ANKRD9: variants seen among roughly 807,000 people sequenced by gnomAD.
ANKRD9 encodes ankyrin repeat domain 9.
ANKRD9 carries 13 observed loss-of-function variants against 19.2 expected under a neutral mutation model. The ratio of observed to expected loss-of-function variants is 0.68; its 90% CI spans 0.44 to 1.08. The LOEUF is 1.08. Among genes scored for constraint, ANKRD9 ranks in the 50% least tolerant of loss-of-function variants. The pLI is 0.00. For synonymous variants in ANKRD9, 278 were observed against 256.8 expected (o/e 1.08, Z -0.79); for missense variants, 518 against 499.9 (o/e 1.04, Z -0.34).
chr14:102,507,492 A>C lies in ANKRD9; in HGVS notation c.398T>G (p.Leu133Arg). The C allele has an allele frequency of 7.2e-7, 1 of 1,388,466 alleles. No individual in the cohort carries two copies. The highest frequency in any genetic ancestry group is 9.4e-7 in the Non-Finnish European group (1 of 1,069,278). The allele number at this position is 1,388,466 out of a possible 1,614,324, so 86.0% of individuals were successfully genotyped here. ...YNRVGILRRI[L>R]RTLRDFPAEE... Reference sequence around the variant, plus strand: ...GGCCGGGAAGTCGCGCAAGGTGCGCAGGATGCGGCGCAGAATGCCCACGCG... The same window carrying C: ...GGCCGGGAAGTCGCGCAAGGTGCGCCGGATGCGGCGCAGAATGCCCACGCG... The change falls in exon 4 of 4, where the codon CTG (leucine) becomes CGG (arginine). Residue 133 changes from leucine (L) to arginine (R), a missense_variant. Coordinates refer to ENST00000286918, the MANE Select transcript of ANKRD9 (RefSeq NM_152326.4). This position sits in a 1 kb window ranked among gnomAD's most constrained non-coding sequence, Gnocchi z 9.2.
rs558046211 is a variant in ANKRD9, at chr14:102,506,687, C to G, written c.*249G>C. 11 of 433,254 alleles carry G rather than the reference C, an allele frequency of 2.5e-5. No individual in the cohort carries two copies. Among genetic ancestry groups the G allele is most frequent in the Non-Finnish European group, 3.1e-5 (8 of 261,036 alleles). The allele number at this position is 433,254 out of a possible 1,614,324, so 26.8% of individuals were successfully genotyped here. A position where few individuals can be genotyped will look rare whatever the true frequency, so the allele number is the denominator to read the frequency against. Reference sequence around the variant, plus strand: ...ATCTGGGACGCACACCTGTCCGAGGCTCTAGATCAAGGTGGGAGGTTAGTC... The same window carrying G: ...ATCTGGGACGCACACCTGTCCGAGGGTCTAGATCAAGGTGGGAGGTTAGTC... On this transcript the variant is annotated 3_prime_UTR_variant, in exon 4 of 4. Transcript: ENST00000286918.
Position 102,507,650 on chromosome 14 carries a change from G to T in ANKRD9, c.240C>A (p.Leu80=). 1 of 1,543,530 alleles carries T rather than the reference G, an allele frequency of 6.5e-7. No individual in the cohort carries two copies. The highest frequency in any genetic ancestry group is 8.7e-7 in the Non-Finnish European group (1 of 1,149,744). The part of the protein sequence containing the change: ...YSPSEALLYA[L]VHDHQAYAHY... ...GCGCGTACGCTTGGTGGTCGTGCAC[G>T]AGCGCGTAGAGCAGCGCCTCAGAGG... The change falls in exon 4 of 4, where the codon CTC becomes CTA. Residue 80 remains leucine (L), a synonymous_variant. Transcript: ENST00000286918. This position sits in a 1 kb window ranked among gnomAD's most constrained non-coding sequence, Gnocchi z 9.2.
In ANKRD9 at chr14:102,505,204, C is replaced by G. The variant is rs1434872241; in HGVS notation, c.*1732G>C. On this transcript the variant is annotated 3_prime_UTR_variant, in exon 4 of 4. Coordinates refer to ENST00000286918, the MANE Select transcript of ANKRD9 (RefSeq NM_152326.4). Reference sequence around the variant, plus strand: ...CCCCATGGGCTCCCCGGGCCCAGCCCCTAAGAACCACGGCAGCTGCGCCAG... The same window carrying G: ...CCCCATGGGCTCCCCGGGCCCAGCCGCTAAGAACCACGGCAGCTGCGCCAG... The G allele has an allele frequency of 7.2e-5, 11 of 152,386 alleles. No homozygotes were observed. Among genetic ancestry groups the G allele is most frequent in the Admixed American group, 7.2e-4 (11 of 15,252 alleles). The allele number at this position is 152,386 out of a possible 1,614,324, so 9.4% of individuals were successfully genotyped here.
At position 102,507,761 on chromosome 14, in the gene ANKRD9, G is replaced by A; in HGVS notation, c.129C>T (p.Asp43=). Residue 43 remains aspartate (D), a synonymous_variant, in exon 4 of 4, where the codon GAC becomes GAT. Coordinates refer to ENST00000286918, the MANE Select transcript of ANKRD9 (RefSeq NM_152326.4). The surrounding 1 kb of genome is among the most constrained non-coding windows in gnomAD (Gnocchi z 9.2). ...CCTCCAGCAGCCACACGGGTAGCAGGTCGCGCACCGCCTGGTAGAAGGCGA... is the reference window on the plus strand; with the variant it reads ...CCTCCAGCAGCCACACGGGTAGCAGATCGCGCACCGCCTGGTAGAAGGCGA... The part of the protein sequence containing the change: ...SSFAFYQAVR[D]LLPVWLLEDM... 1.3e-6 allele frequency: 2 copies of A among 1,504,302 alleles called. No homozygotes were observed. The highest frequency in any genetic ancestry group is 2.6e-5 in the East Asian group (1 of 38,468). 93.2% of individuals were successfully genotyped at this position (1,504,302 alleles called of 1,614,324 possible).
At position 102,506,578 on chromosome 14, in the gene ANKRD9, CT is replaced by C; in HGVS notation, c.*357del. On this transcript the variant is annotated 3_prime_UTR_variant, in exon 4 of 4. Coordinates refer to ENST00000286918, the MANE Select transcript of ANKRD9 (RefSeq NM_152326.4). ...GAGCTCGTTCTCTTGGCTTCCAGGC[CT>C]TTTTATACGCTGTCCTGCTGCTTGG... 4.6e-6 allele frequency: 1 copy of C among 218,914 alleles called. No homozygotes were observed. Among genetic ancestry groups the C allele is most frequent in the Non-Finnish European group, 8.9e-6 (1 of 112,112 alleles). 13.6% of individuals were successfully genotyped at this position (218,914 alleles called of 1,614,324 possible). A position where few individuals can be genotyped will look rare whatever the true frequency, so the allele number is the denominator to read the frequency against.
chr14:102,505,756 C>T lies in ANKRD9; in HGVS notation c.*1180G>A, dbSNP rs1440493369. On this transcript the variant is annotated 3_prime_UTR_variant, in exon 4 of 4. Transcript: ENST00000286918. ...CTTGTGTGGCCCAGCACCCTGGACT[C>T]CTCCATGCCCAGGTGTGCTCCCCCC... is the stretch of plus-strand genomic sequence containing the variant. 1 of 152,302 alleles carries T rather than the reference C, an allele frequency of 6.6e-6. No homozygotes were observed. Among genetic ancestry groups the T allele is most frequent in the East Asian group, 1.9e-4 (1 of 5,194 alleles). The allele number at this position is 152,302 out of a possible 1,614,324, so 9.4% of individuals were successfully genotyped here.
In ANKRD9 at chr14:102,507,935, A is replaced by G; in HGVS notation, c.-46T>C. 1 of 1,096,736 alleles carries G rather than the reference A, an allele frequency of 9.1e-7. No homozygotes were observed. The highest frequency in any genetic ancestry group is 1.1e-6 in the Non-Finnish European group (1 of 891,736). The allele number at this position is 1,096,736 out of a possible 1,614,324, so 67.9% of individuals were successfully genotyped here. A position where few individuals can be genotyped will look rare whatever the true frequency, so the allele number is the denominator to read the frequency against. On this transcript the variant is annotated 5_prime_UTR_variant, in exon 4 of 4. Coordinates refer to ENST00000286918, the MANE Select transcript of ANKRD9 (RefSeq NM_152326.4). The surrounding 1 kb of genome is among the most constrained non-coding windows in gnomAD (Gnocchi z 9.2). ...GGGCCTCAAGGCATGGATCCCGCGA[A>G]GGCACACCTGCGGGGAAAGGAAGAG...
At position 102,502,552 on chromosome 14, in the gene ANKRD9, C is replaced by A. The variant is rs1046820645; in HGVS notation, c.*4384G>T. ...ATCACAAAGTAGACACCAATGACTT[C>A]TTAAAAATCATATTTACAAAGTACA... is the stretch of plus-strand genomic sequence containing the variant. On this transcript the variant is annotated 3_prime_UTR_variant, in exon 4 of 4. Transcript: ENST00000286918. 6.6e-6 allele frequency: 1 copy of A among 152,452 alleles called. No homozygotes were observed. Among genetic ancestry groups the A allele is most frequent in the Non-Finnish European group, 1.5e-5 (1 of 68,018 alleles). The allele number at this position is 152,452 out of a possible 1,614,324, so 9.4% of individuals were successfully genotyped here.
chr14:102,507,334 CG>C lies in ANKRD9; in HGVS notation c.555del (p.Gly186ValfsTer138). On this transcript the variant is annotated frameshift_variant, in exon 4 of 4. Transcript: ENST00000286918. LOFTEE classifies it high-confidence loss of function. This position sits in a 1 kb window ranked among gnomAD's most constrained non-coding sequence, Gnocchi z 9.2. ...GTGAGGCCGCCGCCGTCCCGCAGAC[CG>C]GGCGAGGCGCCGTGGCCCAGCAGCA... The part of the protein sequence containing the change: ...LFLLLGHGAS[P>X]GLRDGGGLTP... 1 of 1,303,230 alleles carries C rather than the reference CG, an allele frequency of 7.7e-7. No homozygotes were observed. Among genetic ancestry groups the C allele is most frequent in the South Asian group, 1.6e-5 (1 of 62,908 alleles). 80.7% of individuals were successfully genotyped at this position (1,303,230 alleles called of 1,614,324 possible).
rs1190192160 is a variant in ANKRD9 at position 102,507,304 on chromosome 14, G to A, written c.586C>T (p.Leu196Phe). Residue 196 changes from leucine (L) to phenylalanine (F), a missense_variant, in exon 4 of 4, where the codon CTC becomes TTC. Coordinates refer to ENST00000286918, the MANE Select transcript of ANKRD9 (RefSeq NM_152326.4). This position sits in a 1 kb window ranked among gnomAD's most constrained non-coding sequence, Gnocchi z 9.2. The part of the protein sequence containing the change: ...GLRDGGGLTP[L>F]ELLLRQLGRD... ...CCCAGCTGGCGCAGCAGCAGCTCGA[G>A]AGGCGTGAGGCCGCCGCCGTCCCGC... 1 of 1,250,782 alleles carries A rather than the reference G, an allele frequency of 8.0e-7. No homozygotes were observed. The highest frequency in any genetic ancestry group is 1.9e-5 in the South Asian group (1 of 51,892). The allele number at this position is 1,250,782 out of a possible 1,614,324, so 77.5% of individuals were successfully genotyped here.
In ANKRD9 at chr14:102,506,776, T is replaced by G. The variant is rs993618307; in HGVS notation, c.*160A>C. ...CGAGCCCAGCTGCACCCAGAAAACC[T>G]GCCACTTGGAACTCACCTGACCATC... On this transcript the variant is annotated 3_prime_UTR_variant, in exon 4 of 4. Transcript: ENST00000286918. The G allele has an allele frequency of 2.7e-6, 3 of 1,094,812 alleles. No individual in the cohort carries two copies. In the African/African-American group the frequency reaches 4.9e-5, roughly 18 times the overall value. The allele number at this position is 1,094,812 out of a possible 1,614,324, so 67.8% of individuals were successfully genotyped here.
In ANKRD9 at chr14:102,508,073, G is replaced by T; in HGVS notation, c.-53-131C>A. On this transcript the variant is annotated intron_variant, in intron 3 of 3. Transcript: ENST00000286918. The surrounding 1 kb of genome is among the most constrained non-coding windows in gnomAD (Gnocchi z 6.2). ...TGTACCTACCTCCAGCCTCGGCCAG[G>T]CCCTTCCAGTCACCCTACAGCTCCA... 2.0e-6 allele frequency: 1 copy of T among 505,680 alleles called. No homozygotes were observed. The highest frequency in any genetic ancestry group is 2.7e-6 in the Non-Finnish European group (1 of 376,196). 31.3% of individuals were successfully genotyped at this position (505,680 alleles called of 1,614,324 possible).
chr14:102,507,530 T>G lies in ANKRD9; in HGVS notation c.360A>C (p.Ala120=). Residue 120 remains alanine (A), a synonymous_variant, in exon 4 of 4, where the codon GCA becomes GCC. Transcript: ENST00000286918. The surrounding 1 kb of genome is among the most constrained non-coding windows in gnomAD (Gnocchi z 9.2). ...CAAPGPHVAL[A]VRYNRVGILR... is the part of the protein sequence containing the mutation. ...GAATGCCCACGCGGTTGTAGCGCAC[T>G]GCCAGCGCCACGTGCGGCCCGGGAG... 7.4e-7 allele frequency: 1 copy of G among 1,344,164 alleles called. No homozygotes were observed. The highest frequency in any genetic ancestry group is 9.5e-7 in the Non-Finnish European group (1 of 1,047,560). The allele number at this position is 1,344,164 out of a possible 1,614,324, so 83.3% of individuals were successfully genotyped here. A position where few individuals can be genotyped will look rare whatever the true frequency, so the allele number is the denominator to read the frequency against.
In ANKRD9 at chr14:102,507,488, G is replaced by A; in HGVS notation, c.402C>T (p.Arg134=). ...NRVGILRRIL[R]TLRDFPAEER... is the part of the protein sequence containing the mutation. ...CCTCGGCCGGGAAGTCGCGCAAGGTGCGCAGGATGCGGCGCAGAATGCCCA... is the reference window on the plus strand; with the variant it reads ...CCTCGGCCGGGAAGTCGCGCAAGGTACGCAGGATGCGGCGCAGAATGCCCA... The change falls in exon 4 of 4, where the codon CGC becomes CGT. Residue 134 remains arginine (R), a synonymous_variant. Transcript: ENST00000286918. The surrounding 1 kb of genome is among the most constrained non-coding windows in gnomAD (Gnocchi z 9.2). The A allele has an allele frequency of 1.4e-6, 2 of 1,390,928 alleles. No individual in the cohort carries two copies. Among genetic ancestry groups the A allele is most frequent in the Non-Finnish European group, 1.9e-6 (2 of 1,070,166 alleles). 86.2% of individuals were successfully genotyped at this position (1,390,928 alleles called of 1,614,324 possible).
At position 102,505,973 on chromosome 14, in the gene ANKRD9, T is replaced by C. The variant is rs1891578312; in HGVS notation, c.*963A>G. On this transcript the variant is annotated 3_prime_UTR_variant, in exon 4 of 4. Coordinates refer to ENST00000286918, the MANE Select transcript of ANKRD9 (RefSeq NM_152326.4). ...TGGCTATCCTCCCTGGTGTCTCGGC[T>C]CTGAGAGCGGAGACCCAGCCTCCCA... is the stretch of plus-strand genomic sequence containing the variant. 1 of 152,104 alleles carries C rather than the reference T, an allele frequency of 6.6e-6. No homozygotes were observed. Among genetic ancestry groups the C allele is most frequent in the Non-Finnish European group, 1.5e-5 (1 of 67,986 alleles). The allele number at this position is 152,104 out of a possible 1,614,324, so 9.4% of individuals were successfully genotyped here.
Position 102,507,799 on chromosome 14 carries a change from G to A in ANKRD9, c.91C>T (p.Arg31Cys), listed in dbSNP as rs1216327564. 8.9e-6 allele frequency: 13 copies of A among 1,467,624 alleles called. No homozygotes were observed. Among genetic ancestry groups the A allele is most frequent in the Non-Finnish European group, 1.2e-5 (13 of 1,106,062 alleles). 90.9% of individuals were successfully genotyped at this position (1,467,624 alleles called of 1,614,324 possible). The change falls in exon 4 of 4, where the codon CGC (arginine) becomes TGC (cysteine). Residue 31 changes from arginine (R) to cysteine (C), a missense_variant. Physicochemically the swap from Arg to Cys is radical, Grantham distance 180 (BLOSUM62 -3). Coordinates refer to ENST00000286918, the MANE Select transcript of ANKRD9 (RefSeq NM_152326.4). The surrounding 1 kb of genome is among the most constrained non-coding windows in gnomAD (Gnocchi z 9.2). ...AARSRAQKQC[R>C]KSSFAFYQAV... is the part of the protein sequence containing the mutation. Reference sequence around the variant, plus strand: ...TGGTAGAAGGCGAACGACGACTTGCGGCACTGCTTCTGCGCTCGCGAGCGC... The same window carrying A: ...TGGTAGAAGGCGAACGACGACTTGCAGCACTGCTTCTGCGCTCGCGAGCGC...
Position 102,507,741 on chromosome 14 carries a change from A to G in ANKRD9, c.149T>C (p.Leu50Pro). The change falls in exon 4 of 4, where the codon CTG becomes CCG. Residue 50 changes from leucine (L) to proline (P), a missense_variant. Physicochemically the swap from Leu to Pro is moderately conservative, Grantham distance 98 (BLOSUM62 -3). Coordinates refer to ENST00000286918, the MANE Select transcript of ANKRD9 (RefSeq NM_152326.4). This position sits in a 1 kb window ranked among gnomAD's most constrained non-coding sequence, Gnocchi z 9.2. The part of the protein sequence containing the change: ...AVRDLLPVWL[L>P]EDMRASEAFH... ...GGCCTCGCTGGCGCGCATATCCTCC[A>G]GCAGCCACACGGGTAGCAGGTCGCG... 6.7e-7 allele frequency: 1 copy of G among 1,498,864 alleles called. No individual in the cohort carries two copies. The highest frequency in any genetic ancestry group is 8.9e-7 in the Non-Finnish European group (1 of 1,124,766). 92.8% of individuals were successfully genotyped at this position (1,498,864 alleles called of 1,614,324 possible). A position where few individuals can be genotyped will look rare whatever the true frequency, so the allele number is the denominator to read the frequency against.
chr14:102,503,765 T>C lies in ANKRD9; in HGVS notation c.*3171A>G, dbSNP rs1891509240. The C allele has an allele frequency of 6.6e-6, 1 of 152,172 alleles. No homozygotes were observed. Among genetic ancestry groups the C allele is most frequent in the Non-Finnish European group, 1.5e-5 (1 of 68,030 alleles). 9.4% of individuals were successfully genotyped at this position (152,172 alleles called of 1,614,324 possible). A position where few individuals can be genotyped will look rare whatever the true frequency, so the allele number is the denominator to read the frequency against. On this transcript the variant is annotated 3_prime_UTR_variant, in exon 4 of 4. Coordinates refer to ENST00000286918, the MANE Select transcript of ANKRD9 (RefSeq NM_152326.4). The stretch of plus-strand genomic sequence containing the variant: ...TCCTCCGGCAGTTACTCACTTCCCT[T>C]GAAACAGAAGCTCAAACATGGAGTA...
At position 102,501,901 on chromosome 14, in the gene ANKRD9, T is replaced by C. The variant is rs761046913; in HGVS notation, c.*5035A>G. On this transcript the variant is annotated 3_prime_UTR_variant, in exon 4 of 4. Coordinates refer to ENST00000286918, the MANE Select transcript of ANKRD9 (RefSeq NM_152326.4). ...AAGCAGAGGTGAGATGGGAGCAGCT[T>C]GGGAGCCCCCCATTGGCGCCGCCCT... The C allele has an allele frequency of 1.3e-5, 2 of 152,228 alleles. No homozygotes were observed. Among genetic ancestry groups the C allele is most frequent in the Admixed American group, 6.5e-5 (1 of 15,284 alleles). 9.4% of individuals were successfully genotyped at this position (152,228 alleles called of 1,614,324 possible). A position where few individuals can be genotyped will look rare whatever the true frequency, so the allele number is the denominator to read the frequency against.
Sources: allele counts gnomAD v4.1 joint callset, GRCh38; gene constraint gnomAD v4.1.1; non-coding constraint Gnocchi (gnomAD v3.1); transcripts MANE v1.5; gene names NCBI Gene and HGNC (gene_info 2026-07-23, HGNC 2026-07-21).